Variants in GALNTL6 observed in about 807,000 individuals in gnomAD.
GALNTL6 encodes polypeptide N-acetylgalactosaminyltransferase-like 6.
In GALNTL6, 46 loss-of-function variants were observed where a neutral mutation model predicts 73.7. That is an observed-to-expected ratio of 0.62 (90% CI 0.49 to 0.80). GALNTL6 has a LOEUF of 0.80. GALNTL6 is among the 30% of genes least tolerant of loss of function. The probability of loss-of-function intolerance (pLI) is 0.00; values close to 1 mark genes in which losing one functional copy is unlikely to be tolerated. For synonymous variants in GALNTL6, 259 were observed against 263.7 expected, an observed-to-expected ratio of 0.98 and a Z score of 0.17; for missense variants, 604 against 755.0, an observed-to-expected ratio of 0.80 and a Z score of 2.34.
intron 5 of GALNTL6, among the ~76,000 whole-genome samples, chr4:172,703,374 G>C (rs1425146758): frequency 6.6e-6 from 1 of 151,754 alleles, no homozygotes; most frequent in East Asian, 1.9e-4. Flanking sequence ...TTCCTTCTAT[G>C]TCTAGTTTGT....
rs1734980803 is a variant in GALNTL6 at position 172,715,036 on chromosome 4, T to G, written c.554-94325T>G. Among the ~76,000 whole-genome samples the G allele has an allele frequency of 2.0e-5, 3 of 151,830 alleles. No homozygotes were observed. The South Asian group carries it at 6.2e-4, about 32-fold the overall frequency. On this transcript the variant is annotated intron_variant, in intron 5 of 12. Transcript: ENST00000506823. ...AACTAATCAAATTCTGTATAAAAGG[T>G]CAACAAAATTCATTAAGATCTTCTG...
intron 2 of GALNTL6, among the ~76,000 whole-genome samples, chr4:172,016,931 T>G (rs1203513917): frequency 1.3e-5 from 2 of 152,182 alleles, no homozygotes; most frequent in Non-Finnish European, 2.9e-5. Context: ...GTGTGGTCAC[T>G]GTCTCCTGTG....
intron 5 of GALNTL6, among the ~76,000 whole-genome samples, chr4:172,525,732 A>G (rs976672270): frequency 3.3e-5 from 5 of 152,088 alleles, no homozygotes; most frequent in African/African-American, 9.7e-5. Context: ...GTGTGCTGGC[A>G]CGCACCTGTG....
intron 2 of GALNTL6, among the ~76,000 whole-genome samples, chr4:171,956,047 G>A (rs2111039302): frequency 6.6e-6 from 1 of 152,024 alleles, no homozygotes; most frequent in East Asian, 1.9e-4. Flanking sequence ...CTGTCACCCA[G>A]GCTGAAGTAC....
intron 5 of GALNTL6, among the ~76,000 whole-genome samples, chr4:172,729,670 G>A (rs1736034619): frequency 6.6e-6 from 1 of 152,046 alleles, no homozygotes; most frequent in African/African-American, 2.4e-5. Flanking sequence ...GGTAGTATGA[G>A]GCGACCAACT....
chr4:173,023,735 G>T (rs1364127221), intron 12 of GALNTL6, among the ~76,000 whole-genome samples: 4 of 149,840 alleles, frequency 2.7e-5, no homozygotes, highest in African/African-American at 1.0e-4. Flanking sequence ...CTCAGAAGAT[G>T]GTATCTGATT....
chr4:172,057,728 AT>A (rs1293683580), intron 2 of GALNTL6, among the ~76,000 whole-genome samples: 706 of 62,136 alleles, frequency 0.011, 10 homozygotes, highest in African/African-American at 0.042. Flanking sequence ...AAAAAAAAAA[AT>A]ATATATATAT....
In GALNTL6 at chr4:172,882,790, G is replaced by A; in HGVS notation, c.924G>A (p.Glu308=). ...AAAGATTATTTTGTTCATTTCACAG[G>A]TCTCCTGTTATGGCTGGAGGTCTCT... ...LQRADPSDPF[E]SPVMAGGLFA... is the part of the protein sequence containing the mutation. Residue 308 remains glutamate, a splice_region_variant and synonymous_variant, in exon 8 of 13, where the codon GAG becomes GAA. Transcript: ENST00000506823. 6.3e-7 allele frequency: 1 copy of A among 1,582,940 alleles called. No individual in the cohort carries two copies. The highest frequency in any genetic ancestry group is 8.7e-7 in the Non-Finnish European group (1 of 1,151,994).
chr4:172,831,243 T>G (rs573533459), intron 7 of GALNTL6, among the ~76,000 whole-genome samples: 2 of 141,882 alleles, frequency 1.4e-5, no homozygotes, highest in Non-Finnish European at 3.0e-5. Flanking sequence ...AATATATGGG[T>G]GCTGGCTGTT....
intron 2 of GALNTL6, among the ~76,000 whole-genome samples, chr4:171,987,750 G>A (rs1490146460): frequency 6.6e-6 from 1 of 152,170 alleles, no homozygotes; most frequent in Non-Finnish European, 1.5e-5. Context: ...CTTTGCTGGT[G>A]TGTGGCGATT....
At chr4:172,930,691 T>G (rs1182155027) in intron 8 of GALNTL6, among the ~76,000 whole-genome samples, 1 of 152,228 alleles carries the variant, frequency 6.6e-6, no homozygotes, top group Non-Finnish European at 1.5e-5. Context: ...GTTTTGGTTT[T>G]GTTTTGTTAA....
chr4:172,540,735 G>A (rs1342498931), intron 5 of GALNTL6, among the ~76,000 whole-genome samples: 1 of 152,178 alleles, frequency 6.6e-6, no homozygotes, highest in Non-Finnish European at 1.5e-5. Flanking sequence ...TTCTTTATTT[G>A]AAAATTGGTT....
chr4:172,878,477 G>C (rs886083291), intron 7 of GALNTL6, among the ~76,000 whole-genome samples: 7 of 151,750 alleles, frequency 4.6e-5, no homozygotes, highest in Non-Finnish European at 1.0e-4. Flanking sequence ...TGATAACAAA[G>C]ACATAGGCTG....
At chr4:172,181,432 T>G (rs1407689435) in intron 2 of GALNTL6, among the ~76,000 whole-genome samples, 2 of 152,026 alleles carry the variant, frequency 1.3e-5, no homozygotes, top group Non-Finnish European at 2.9e-5. Context: ...TGCTAAAAAC[T>G]CTCAATAACA....
intron 5 of GALNTL6, among the ~76,000 whole-genome samples, chr4:172,495,992 C>T (rs1303009718): frequency 6.6e-6 from 1 of 152,174 alleles, no homozygotes; most frequent in Non-Finnish European, 1.5e-5. Flanking sequence ...TTGCATAAAA[C>T]ATCTAAAAGT....
intron 2 of GALNTL6, among the ~76,000 whole-genome samples, chr4:172,025,316 T>G (rs2110809182): frequency 6.6e-6 from 1 of 152,092 alleles, no homozygotes; most frequent in South Asian, 2.1e-4. Flanking sequence ...GTACGGCACC[T>G]CGCATAAAAT....
intron 5 of GALNTL6, among the ~76,000 whole-genome samples, chr4:172,762,296 T>A (rs929712240): frequency 6.6e-6 from 1 of 152,204 alleles, no homozygotes; most frequent in African/African-American, 2.4e-5. Flanking sequence ...AATATTCACT[T>A]CTTGAGACAC....
chr4:172,870,188 C>A (rs577947643), intron 7 of GALNTL6, among the ~76,000 whole-genome samples: 7 of 152,168 alleles, frequency 4.6e-5, no homozygotes, highest in Admixed American at 2.6e-4. Context: ...GCCTAGGAGT[C>A]AAAAACAGCC....
At chr4:172,121,892 C>T (rs954747434) in intron 2 of GALNTL6, among the ~76,000 whole-genome samples, 1 of 151,178 alleles carries the variant, frequency 6.6e-6, no homozygotes, top group Non-Finnish European at 1.5e-5. Context: ...ATAGTTTGAG[C>T]TATAAACCTG....
Sources: gnomAD v4.1 joint callset for allele counts (sites outside exome capture counted in the v4.1 genomes callset) on GRCh38, gnomAD v4.1.1 for gene constraint, MANE v1.5 for transcripts, NCBI Gene and HGNC (gene_info 2026-07-23, HGNC 2026-07-21) for gene names.